Variants in MORC4 observed in about 807,000 individuals in gnomAD.
MORC4 encodes the protein MORC family CW-type zinc finger protein 4.
MORC4 carries 22 observed loss-of-function variants against 65.5 expected under a neutral mutation model. That is an observed-to-expected ratio of 0.34 (90% CI 0.24 to 0.48). The LOEUF (loss-of-function observed/expected upper bound fraction) is 0.48. Among genes scored for constraint, MORC4 ranks in the 20% least tolerant of loss-of-function variants. The pLI, the probability that MORC4 is intolerant of heterozygous loss-of-function variation, is 0.99. For synonymous variants in MORC4, 267 were observed against 255.8 expected (o/e 1.04, Z -0.42); for missense variants, 624 against 703.0 (o/e 0.89, Z 1.27).
rs746337047 is a variant in MORC4, at chrX:106,993,347, G to A, written c.191C>T (p.Pro64Leu). Residue 64 changes from proline to leucine, a missense_variant, in exon 3 of 17, where the codon CCA (proline) becomes CTA (leucine). Pro to Leu is a moderately conservative substitution (Grantham distance 98, BLOSUM62 -3). Transcript: ENST00000355610. Reference sequence around the variant, plus strand: ...AAAGACCGTCCTGGCAGATACATCTGGATCTACAGCATTATCTGCAAAAGG... The same window carrying A: ...AAAGACCGTCCTGGCAGATACATCTAGATCTACAGCATTATCTGCAAAAGG... ...IAELLDNAVD[P>L]DVSARTVFID... The A allele has an allele frequency of 8.3e-7, 1 of 1,207,943 alleles. No individual in the cohort carries two copies. Among genetic ancestry groups the A allele is most frequent in the Non-Finnish European group, 1.1e-6 (1 of 893,441 alleles).
intron 5 of MORC4, among the ~76,000 whole-genome samples, chrX:106,984,281 C>CA (rs1285198722): frequency 7.3e-4 from 64 of 87,666 alleles, no homozygotes; most frequent in Middle Eastern, 6.2e-3. Flanking sequence ...GACTCTGTCT[C>CA]AAAAAAAAAA....
intron 3 of MORC4, 36 bp downstream of exon 3, chrX:106,993,194 C>T: frequency 8.4e-7 from 1 of 1,191,738 alleles, no homozygotes; most frequent in Non-Finnish European, 1.1e-6. Flanking sequence ...GGTTCATGAG[C>T]TTAAGACAAG....
chrX:106,981,279 G>T, intron 6 of MORC4, 66 bp downstream of exon 6: 1 of 1,059,068 alleles, frequency 9.4e-7, no homozygotes, highest in Non-Finnish European at 1.3e-6. Flanking sequence ...AGAAGATCTT[G>T]TTCTATAATA....
intron 2 of MORC4, among the ~76,000 whole-genome samples, chrX:106,998,043 T>C (rs1461579558): frequency 1.8e-5 from 2 of 112,598 alleles, no homozygotes; most frequent in Non-Finnish European, 3.7e-5. Flanking sequence ...TTGTATTCAT[T>C]TTTGTGCCTA....
intron 8 of MORC4, among the ~76,000 whole-genome samples, chrX:106,977,051 T>C (rs1363113237): frequency 9.0e-6 from 1 of 111,670 alleles, no homozygotes; most frequent in Admixed American, 9.6e-5. Flanking sequence ...CAAGGTTATA[T>C]ACTACTGTTC....
At chrX:106,956,632 A>T (rs1303015915) in intron 12 of MORC4, 98 bp from the exon 13 acceptor site, 1 of 756,316 alleles carries the variant, frequency 1.3e-6, no homozygotes, top group Non-Finnish European at 2.0e-6. Context: ...TTCCTTCCAA[A>T]TTACAAATAC....
Position 106,985,140 on chromosome X carries a change from G to A in MORC4, c.630C>T (p.Ile210=), listed in dbSNP as rs777500873. ...ENDLLAQFDA[I]PGKKGTRVLI... ...GAACACGAGTGCCTTTTTTGCCTGG[G>A]ATGGCATCAAACTGGGCCAGCAGGT... The change falls in exon 5 of 17, where the codon ATC becomes ATT. Residue 210 remains isoleucine (I), a synonymous_variant. Transcript: ENST00000355610. 1.7e-5 allele frequency: 20 copies of A among 1,203,769 alleles called. No homozygotes were observed. The highest frequency in any genetic ancestry group is 1.8e-5 in the Non-Finnish European group (16 of 891,377).
In MORC4 at chrX:106,941,396, G is replaced by C. The variant is rs920398061; in HGVS notation, c.*83C>G. On this transcript the variant is annotated 3_prime_UTR_variant, in exon 17 of 17. Transcript: ENST00000355610. ...TGAGAGAGAGAGAGAGAGAGAGAGA[G>C]AGAGAGAGAGAGAGACGTGAGGGAG... 8.6e-4 allele frequency: 661 copies of C among 768,029 alleles called. 3 individuals are homozygous for C. The African/African-American group carries it at 0.013, about 15-fold the overall frequency. 63.3% of individuals were successfully genotyped at this position (768,029 alleles called of 1,213,427 possible).
chrX:106,999,427 C>A (rs1935137902), intron 2 of MORC4, among the ~76,000 whole-genome samples: 1 of 111,825 alleles, frequency 8.9e-6, no homozygotes, highest in Non-Finnish European at 1.9e-5. Flanking sequence ...GTCACGAGCG[C>A]GAGAGAAAAA....
At position 106,999,744 on chromosome X, in the gene MORC4, G is replaced by A; in HGVS notation, c.108C>T (p.Ser36=). ...TGGAGTTGCTCTGGAGGTAGCGGGG[G>A]CTCATCTGGGGGCGAGAGAAGGTCC... ...QAFGIRLSTM[S]PRYLQSNSSS... is the part of the protein sequence containing the mutation. The change falls in exon 2 of 17, where the codon AGC becomes AGT. Residue 36 remains serine (S), a synonymous_variant. Coordinates refer to ENST00000355610, the MANE Select transcript of MORC4 (RefSeq NM_024657.5). 2.7e-6 allele frequency: 3 copies of A among 1,111,782 alleles called. No homozygotes were observed. The highest frequency in any genetic ancestry group is 1.9e-5 in the African/African-American group (1 of 52,103). 91.6% of individuals were successfully genotyped at this position (1,111,782 alleles called of 1,213,427 possible). A position where few individuals can be genotyped will look rare whatever the true frequency, so the allele number is the denominator to read the frequency against.
intron 4 of MORC4, 42 bp downstream of exon 4, chrX:106,985,941 G>A: frequency 9.1e-7 from 1 of 1,095,159 alleles, no homozygotes; most frequent in Non-Finnish European, 1.3e-6. Flanking sequence ...ACTCAGATTA[G>A]ACTAATTTTT....
chrX:106,979,875 C>T (rs182187580), intron 7 of MORC4, among the ~76,000 whole-genome samples: 13 of 110,810 alleles, frequency 1.2e-4, no homozygotes, highest in Non-Finnish European at 2.3e-4. Flanking sequence ...ATAACTAATT[C>T]ACCTATAGAA....
chrX:106,946,359 C>T (rs1933828469), intron 14 of MORC4, among the ~76,000 whole-genome samples: 1 of 112,375 alleles, frequency 8.9e-6, no homozygotes, highest in South Asian at 3.7e-4. Context: ...TTTTTAAACT[C>T]GCTTCTTTCA....
chrX:106,984,907 A>G (rs1934836722), intron 5 of MORC4, among the ~76,000 whole-genome samples, 189 bp downstream of exon 5: 1 of 111,335 alleles, frequency 9.0e-6, no homozygotes, highest in African/African-American at 3.3e-5. Context: ...AGTGGCTCAC[A>G]CTTGTAATCC....
intron 9 of MORC4, among the ~76,000 whole-genome samples, chrX:106,974,684 G>T (rs6622128): frequency 0.45 from 49,340 of 110,376 alleles, 8,313 homozygotes; most frequent in East Asian, 0.92. Flanking sequence ...TATTACAGAT[G>T]ATTTATTTGT....
At chrX:106,956,798 A>G in intron 12 of MORC4, 138 bp downstream of exon 12, 1 of 495,184 alleles carries the variant, frequency 2.0e-6, no homozygotes, top group Non-Finnish European at 3.5e-6. Flanking sequence ...AGGAATAAAG[A>G]ACTGGGAGAG....
Position 106,943,168 on chromosome X carries a change from T to C in MORC4, c.1723A>G (p.Lys575Glu). ...KWILGEEPVE[K>E]RRRLQNEMTT... Reference sequence around the variant, plus strand: ...ATCTCATTCTGGAGCCTTCTTCGTTTCTCCACCGGTTCTTCACCTAGGATC... The same window carrying C: ...ATCTCATTCTGGAGCCTTCTTCGTTCCTCCACCGGTTCTTCACCTAGGATC... The change falls in exon 15 of 17, where the codon AAA becomes GAA. Residue 575 changes from lysine to glutamate, a missense_variant. Physicochemically the swap from Lys to Glu is moderately conservative, Grantham distance 56. Coordinates refer to ENST00000355610, the MANE Select transcript of MORC4 (RefSeq NM_024657.5). 3 of 1,206,971 alleles carry C rather than the reference T, an allele frequency of 2.5e-6. No individual in the cohort carries two copies. The highest frequency in any genetic ancestry group is 3.4e-6 in the Non-Finnish European group (3 of 891,752).
rs1473888981 is a variant in MORC4, at chrX:106,961,257, GC to G, written c.1256+754del. 2.7e-5 allele frequency among the ~76,000 whole-genome samples: 3 copies of G among 112,092 alleles called. No individual in the cohort carries two copies. The East Asian group carries it at 8.4e-4, about 31-fold the overall frequency. ...CAGGTGAAGTAACTTACTTACCCAAGCTCATCCAACTATTAAAAAGCAGATC... is the reference window on the plus strand; with the variant it reads ...CAGGTGAAGTAACTTACTTACCCAAGTCATCCAACTATTAAAAAGCAGATC... On this transcript the variant is annotated intron_variant, in intron 10 of 16. Coordinates refer to ENST00000355610, the MANE Select transcript of MORC4 (RefSeq NM_024657.5).
intron 7 of MORC4, among the ~76,000 whole-genome samples, chrX:106,979,581 G>A (rs1934698388): frequency 9.0e-6 from 1 of 110,674 alleles, no homozygotes; most frequent in Non-Finnish European, 1.9e-5. Context: ...GTGACCTTGG[G>A]GGAAATTTTA....
Sources: allele counts gnomAD v4.1 joint callset (sites outside exome capture counted in the v4.1 genomes callset), GRCh38; gene constraint gnomAD v4.1.1; transcripts MANE v1.5; gene names NCBI Gene and HGNC (gene_info 2026-07-23, HGNC 2026-07-21).